SECISBP2L: variants seen among roughly 807,000 people sequenced by gnomAD.
SECISBP2L encodes SECIS binding protein 2 like.
In SECISBP2L, 43 loss-of-function variants were observed where a neutral mutation model predicts 114.7. The observed-to-expected ratio is 0.38, with a 90% CI of 0.29 to 0.48. The LOEUF is 0.48. SECISBP2L is among the 20% of genes least tolerant of loss of function. The pLI is 0.98. For synonymous variants in SECISBP2L, 451 were observed against 439.7 expected (o/e 1.03, Z -0.32); for missense variants, 1,136 against 1,301.1 (o/e 0.87, Z 1.95).
chr15:49,019,758 G>GC (rs1364477574), intron 7 of SECISBP2L: 2 of 389,658 alleles, frequency 5.1e-6, no homozygotes, highest in Non-Finnish European at 8.8e-6. Context: ...AATCCACATT[G>GC]CTTTTTTCCC....
chr15:49,012,896 C>T (rs1902465113), intron 11 of SECISBP2L, 79 bp from the exon 12 acceptor site: 1 of 1,382,756 alleles, frequency 7.2e-7, no homozygotes, highest in Non-Finnish European at 9.9e-7. Flanking sequence ...ACTACAAAAA[C>T]AAGAACATCC....
intron 15 of SECISBP2L, 121 bp from the exon 16 acceptor site, chr15:49,000,108 A>G: frequency 1.1e-6 from 1 of 880,944 alleles, no homozygotes; most frequent in Non-Finnish European, 1.7e-6. Context: ...GTAGCACTTA[A>G]CGCTGTTACA....
Position 49,009,235 on chromosome 15 carries a change from G to A in SECISBP2L, c.2008C>T (p.His670Tyr), listed in dbSNP as rs1902385705. Residue 670 changes from histidine (H) to tyrosine (Y), a missense_variant, in exon 14 of 18, where the codon CAC becomes TAC. Coordinates refer to ENST00000559471, the MANE Select transcript of SECISBP2L (RefSeq NM_001193489.2). ...ACTTACTCTCTAAATCTTTTGCTGT[G>A]GATTTTGGTTATTGTTGAAGATGCC... ...PMASSTITKI[H>Y]SKRFREYCNQ... 2 of 1,613,918 alleles carry A rather than the reference G, an allele frequency of 1.2e-6. No individual in the cohort carries two copies. The highest frequency in any genetic ancestry group is 1.7e-6 in the Non-Finnish European group (2 of 1,179,990).
chr15:49,022,435 A>C (rs1902658472), intron 7 of SECISBP2L, among the ~76,000 whole-genome samples: 1 of 152,172 alleles, frequency 6.6e-6, no homozygotes, highest in Non-Finnish European at 1.5e-5. Context: ...CCTGGTCTCT[A>C]CTGAAATACA....
At chr15:49,025,084 G>T (rs1014022508) in intron 7 of SECISBP2L, among the ~76,000 whole-genome samples, 2 of 152,088 alleles carry the variant, frequency 1.3e-5, no homozygotes, top group African/African-American at 4.8e-5. Context: ...ATTTCAGCCC[G>T]TATGTAAATA....
At chr15:49,017,046 G>T in intron 9 of SECISBP2L, 31 bp from the exon 10 acceptor site, 1 of 1,602,746 alleles carries the variant, frequency 6.2e-7, no homozygotes. Flanking sequence ...ACATTTGTTA[G>T]TGATCCCATA....
At position 49,016,705 on chromosome 15, in the gene SECISBP2L, C is replaced by A. The variant is rs1007395748; in HGVS notation, c.1420-4G>T. On this transcript the variant is annotated splice_region_variant and splice_polypyrimidine_tract_variant and intron_variant, in intron 10 of 17. Coordinates refer to ENST00000559471, the MANE Select transcript of SECISBP2L (RefSeq NM_001193489.2). ...CAGCTGCTTTTGATAAAGCTTCCTACAAAATAAATATAAAAAATTAATTTT... is the reference window on the plus strand; with the variant it reads ...CAGCTGCTTTTGATAAAGCTTCCTAAAAAATAAATATAAAAAATTAATTTT... 1.9e-6 allele frequency: 3 copies of A among 1,552,576 alleles called. No homozygotes were observed. In the African/African-American group the frequency reaches 4.2e-5, roughly 22 times the overall value.
At position 49,016,455 on chromosome 15, in the gene SECISBP2L, C is replaced by CAT. The variant is rs549820457; in HGVS notation, c.1561+103_1561+104dup. ...ATACATATATATACACACACACACA[C>CAT]ATATATATACACATACATATATAAA... On this transcript the variant is annotated intron_variant, in intron 11 of 17. Transcript: ENST00000559471. The CAT allele has an allele frequency of 1.2e-3, 1,097 of 883,842 alleles. 1 individual carries two copies. Among genetic ancestry groups the CAT allele is most frequent in the Admixed American group, 2.6e-3 (95 of 36,362 alleles). 54.7% of individuals were successfully genotyped at this position (883,842 alleles called of 1,614,324 possible).
chr15:48,992,335 T>C lies in SECISBP2L; in HGVS notation c.3215A>G (p.Gln1072Arg). ...CTTCTGCTGCCCAGGACTGGCCTGC[T>C]GGTCAGCAGTCCATGCCTCACTGTC... Reference protein sequence around the residue: ...GMDSEAWTADQQASPGQQKSS... With the variant: ...GMDSEAWTADRQASPGQQKSS... Residue 1072 changes from glutamine to arginine, a missense_variant, in exon 18 of 18, where the codon CAG becomes CGG. By Grantham distance (43) the Gln-to-Arg change is conservative (BLOSUM62 1). This residue lies in a region of SECISBP2L where 684 missense variants were observed against 848.7 expected (regional missense o/e 0.81). Transcript: ENST00000559471. The C allele has an allele frequency of 1.2e-6, 2 of 1,614,182 alleles. No individual in the cohort carries two copies. Among genetic ancestry groups the C allele is most frequent in the Non-Finnish European group, 1.7e-6 (2 of 1,180,040 alleles).
chr15:49,005,891 C>T (rs1009870638), intron 14 of SECISBP2L, among the ~76,000 whole-genome samples: 3 of 151,908 alleles, frequency 2.0e-5, no homozygotes, highest in African/African-American at 7.3e-5. Flanking sequence ...TGGCTGGTAC[C>T]GGTTTTTCCT....
In SECISBP2L at chr15:49,015,980, T is replaced by C; in HGVS notation, c.1561+580A>G. ...GCCCACAGATACTGAGCTAGGATCA[T>C]GCTGGGTGTGTCTGAGGACTGCTAA... is the stretch of plus-strand genomic sequence containing the variant. On this transcript the variant is annotated intron_variant, in intron 11 of 17. Transcript: ENST00000559471. Among the ~76,000 whole-genome samples the C allele has an allele frequency of 1.3e-5, 2 of 152,162 alleles. 1 individual carries two copies. The highest frequency in any genetic ancestry group is 6.3e-3 in the Middle Eastern group (2 of 316).
intron 3 of SECISBP2L, among the ~76,000 whole-genome samples, chr15:49,035,085 G>A (rs1276765566): frequency 1.3e-5 from 2 of 152,048 alleles, no homozygotes; most frequent in Non-Finnish European, 1.5e-5. Context: ...AAATATTTCT[G>A]CCTTATGTTA....
intron 8 of SECISBP2L, 192 bp from the exon 9 acceptor site, chr15:49,017,820 G>A (rs753270384): frequency 1.5e-4 from 66 of 446,770 alleles, no homozygotes; most frequent in Non-Finnish European, 2.4e-4. Flanking sequence ...TCAAGGATGG[G>A]GGCGTATCCA....
At chr15:49,026,269 T>C (rs1441207644) in intron 7 of SECISBP2L, among the ~76,000 whole-genome samples, 1 of 152,098 alleles carries the variant, frequency 6.6e-6, no homozygotes, top group Non-Finnish European at 1.5e-5. Context: ...AATGCAAAAT[T>C]ACAGTTACAT....
At chr15:49,035,913 T>C (rs1902996529) in intron 2 of SECISBP2L, among the ~76,000 whole-genome samples, 1 of 152,192 alleles carries the variant, frequency 6.6e-6, no homozygotes, top group Admixed American at 6.5e-5. Flanking sequence ...CATACCAGCA[T>C]TGTCTGTAAC....
intron 7 of SECISBP2L, among the ~76,000 whole-genome samples, chr15:49,022,050 A>G (rs992260846): frequency 7.2e-5 from 11 of 152,214 alleles, no homozygotes; most frequent in Admixed American, 7.2e-4. Flanking sequence ...AATATTAGAA[A>G]TTGCCACTAA....
At position 49,011,798 on chromosome 15, in the gene SECISBP2L, G is replaced by A. The variant is rs1458470493; in HGVS notation, c.1797C>T (p.Ser599=). ...RLTVDHNLLG[S]EEPTEMHLDF... is the part of the protein sequence containing the mutation. ...CTAAGTGCATTTCTGTTGGTTCCTC[G>A]GATCCCAAAAGATTGTGGTCCACAG... Residue 599 remains serine, a synonymous_variant, in exon 13 of 18, where the codon TCC becomes TCT. Coordinates refer to ENST00000559471, the MANE Select transcript of SECISBP2L (RefSeq NM_001193489.2). 9.3e-6 allele frequency: 15 copies of A among 1,613,856 alleles called. No homozygotes were observed. The highest frequency in any genetic ancestry group is 1.2e-5 in the Non-Finnish European group (14 of 1,179,944).
At chr15:48,994,900 T>C (rs1391988240) in intron 17 of SECISBP2L, among the ~76,000 whole-genome samples, 1 of 149,704 alleles carries the variant, frequency 6.7e-6, no homozygotes, top group Non-Finnish European at 1.5e-5. Flanking sequence ...TATTTAATTA[T>C]GAAAAAAAAT....
chr15:48,999,229 T>A (rs1036677964), intron 16 of SECISBP2L, among the ~76,000 whole-genome samples: 3 of 152,204 alleles, frequency 2.0e-5, no homozygotes, highest in Admixed American at 6.5e-5. Context: ...GTCATTGATA[T>A]CACAAAGTAC....
Sources: allele counts gnomAD v4.1 joint callset (sites outside exome capture counted in the v4.1 genomes callset), GRCh38; gene constraint gnomAD v4.1.1; regional missense constraint gnomAD v4.1.1; transcripts MANE v1.5; gene names NCBI Gene and HGNC (gene_info 2026-07-23, HGNC 2026-07-21).